ANKRD36C: variants seen among roughly 807,000 people sequenced by gnomAD.
ANKRD36C encodes the protein ankyrin repeat domain-containing protein 36C.
A neutral mutation model predicts 276.4 loss-of-function variants in ANKRD36C; 61 were observed. The observed-to-expected ratio is 0.22, with a 90% CI of 0.18 to 0.27. ANKRD36C has a LOEUF of 0.27. Ranked by LOEUF, ANKRD36C falls within the 10% of genes least tolerant of loss-of-function variation. The pLI, the probability that ANKRD36C is intolerant of heterozygous loss-of-function variation, is 1.00. For missense variants in ANKRD36C, 1,447 were observed against 2,032.3 expected (o/e 0.71, Z 5.54); for synonymous variants, 483 against 680.1 (o/e 0.71, Z 4.51).
At chr2:95,859,160 A>T (rs1178351342) in intron 61 of ANKRD36C, among the ~76,000 whole-genome samples, 1 of 151,708 alleles carries the variant, frequency 6.6e-6, no homozygotes, top group Non-Finnish European at 1.5e-5. Context: ...CAGCCTCCTG[A>T]GTAGCTGGGA....
chr2:95,970,660 T>A (rs1678679640), intron 6 of ANKRD36C, among the ~76,000 whole-genome samples: 1 of 152,162 alleles, frequency 6.6e-6, no homozygotes, highest in Admixed American at 6.6e-5. Context: ...TAGTTATAAG[T>A]GAGTCATGTT....
chr2:95,872,706 CA>C (rs1305995442), intron 59 of ANKRD36C, among the ~76,000 whole-genome samples: 1 of 151,724 alleles, frequency 6.6e-6, no homozygotes, highest in Non-Finnish European at 1.5e-5. Flanking sequence ...AAAAACCCTT[CA>C]AAAAATTAAT....
At chr2:95,903,223 C>T in intron 42 of ANKRD36C, 142 bp from the exon 53 acceptor site, 1 of 1,397,978 alleles carries the variant, frequency 7.2e-7, no homozygotes, top group Non-Finnish European at 9.8e-7. Context: ...TGTCTGGGGA[C>T]TAGAACATGA....
rs775879574 is a variant in ANKRD36C, at chr2:95,916,056, A to C, written c.2377-4T>G. On this transcript the variant is annotated splice_region_variant and splice_polypyrimidine_tract_variant and intron_variant, in intron 37 of 66. Coordinates refer to ENST00000456556, the Ensembl canonical transcript of ANKRD36C. Reference sequence around the variant, plus strand: ...AATCTTTCTCATCACTTGTAGCCTGAATGGAATTTGAAACAAAATAATAAA... The same window carrying C: ...AATCTTTCTCATCACTTGTAGCCTGCATGGAATTTGAAACAAAATAATAAA... The C allele has an allele frequency of 2.0e-5, 31 of 1,589,276 alleles. No homozygotes were observed. Among genetic ancestry groups the C allele is most frequent in the Admixed American group, 3.5e-5 (2 of 56,924 alleles).
At chr2:95,870,897 A>G (rs1308504700) in intron 59 of ANKRD36C, among the ~76,000 whole-genome samples, 1 of 152,244 alleles carries the variant, frequency 6.6e-6, no homozygotes, top group East Asian at 1.9e-4. Flanking sequence ...GATGCAATCA[A>G]CTGGAAGAAA....
intron 6 of ANKRD36C, 51 bp downstream of exon 6, chr2:95,978,071 T>C: frequency 1.6e-6 from 1 of 617,156 alleles, no homozygotes; most frequent in Non-Finnish European, 2.7e-6. Flanking sequence ...TCTTTATTCT[T>C]TTTTATCTAT....
chr2:95,890,228 C>T (rs1268978179), intron 46 of ANKRD36C, among the ~76,000 whole-genome samples: 4 of 151,262 alleles, frequency 2.6e-5, no homozygotes, highest in Non-Finnish European at 3.0e-5. Flanking sequence ...TGTCATATGT[C>T]GAAAACTAAA....
exon 3 of ANKRD36C, chr2:95,986,919 T>C: frequency 6.2e-7 from 1 of 1,612,812 alleles, no homozygotes; most frequent in Non-Finnish European, 8.5e-7. Context: ...GCCTCAGTTG[T>C]ACAGCCTGTC....
In ANKRD36C at chr2:95,923,375, T is replaced by A. The variant is rs1677323244; in HGVS notation, c.2143+120A>T. 4 of 1,335,774 alleles carry A rather than the reference T, an allele frequency of 3.0e-6. No homozygotes were observed. In the East Asian group the frequency reaches 7.5e-5, roughly 25 times the overall value. The allele number at this position is 1,335,774 out of a possible 1,614,324, so 82.7% of individuals were successfully genotyped here. On this transcript the variant is annotated intron_variant, in intron 32 of 66. Coordinates refer to ENST00000456556, the Ensembl canonical transcript of ANKRD36C. ...CCGAGAACTTATTACAAATGAAGAA[T>A]CTCCGGCCTGCTGAATCAGAATGTG... is the stretch of plus-strand genomic sequence containing the variant.
rs1226492632 is a variant in ANKRD36C, at chr2:95,891,989, T to C, written c.2756-129A>G. Reference sequence around the variant, plus strand: ...AGCGTAGGCTTTGATGGCTTCTACTTTGTGTCTGAGGACTAGAACATGACA... The same window carrying C: ...AGCGTAGGCTTTGATGGCTTCTACTCTGTGTCTGAGGACTAGAACATGACA... On this transcript the variant is annotated intron_variant, in intron 44 of 66. Transcript: ENST00000456556. The C allele has an allele frequency of 1.3e-5, 19 of 1,466,468 alleles. No homozygotes were observed. The African/African-American group carries it at 2.1e-4, about 16-fold the overall frequency. The allele number at this position is 1,466,468 out of a possible 1,614,324, so 90.8% of individuals were successfully genotyped here. A position where few individuals can be genotyped will look rare whatever the true frequency, so the allele number is the denominator to read the frequency against.
intron 40 of ANKRD36C, among the ~76,000 whole-genome samples, chr2:95,913,140 A>G (rs945958149): frequency 3.3e-5 from 5 of 149,730 alleles, no homozygotes; most frequent in Non-Finnish European, 6.0e-5. Context: ...ATCATCAATT[A>G]TCAACTTTGA....
At chr2:95,968,514 T>C (rs1678638168) in intron 6 of ANKRD36C, among the ~76,000 whole-genome samples, 1 of 152,180 alleles carries the variant, frequency 6.6e-6, no homozygotes, top group Non-Finnish European at 1.5e-5. Context: ...GCAGTCCCCC[T>C]TATCTGCTGT....
intron 10 of ANKRD36C, among the ~76,000 whole-genome samples, chr2:95,959,623 T>G (rs1159346603): frequency 6.6e-6 from 1 of 152,072 alleles, no homozygotes; most frequent in East Asian, 1.9e-4. Context: ...GAATTCAACA[T>G]TATTTTTCTT....
intron 1 of ANKRD36C, among the ~76,000 whole-genome samples, chr2:95,989,765 G>A (rs1325554989): frequency 6.6e-6 from 1 of 152,100 alleles, no homozygotes; most frequent in Non-Finnish European, 1.5e-5. Context: ...ACTTTCAACA[G>A]CAGTATATGT....
intron 26 of ANKRD36C, 136 bp from the exon 27 acceptor site, chr2:95,927,545 T>C (rs538758380): frequency 1.0e-4 from 145 of 1,406,588 alleles, no homozygotes; most frequent in Non-Finnish European, 1.4e-4. Context: ...ACTTTTTGTC[T>C]GGAGACTGGA....
chr2:95,866,923 C>T (rs1323304638), intron 60 of ANKRD36C, among the ~76,000 whole-genome samples: 2 of 152,168 alleles, frequency 1.3e-5, no homozygotes, highest in African/African-American at 4.8e-5. Flanking sequence ...ACACCTAAGG[C>T]ACTGGCTGTG....
chr2:95,976,367 G>T (rs1056282450), intron 6 of ANKRD36C, among the ~76,000 whole-genome samples: 1 of 152,096 alleles, frequency 6.6e-6, no homozygotes, highest in Non-Finnish European at 1.5e-5. Flanking sequence ...TGAAACTCTC[G>T]AAATGCGGCT....
At chr2:95,911,539 A>T (rs529136663) in intron 42 of ANKRD36C, among the ~76,000 whole-genome samples, 12 of 151,520 alleles carry the variant, frequency 7.9e-5, no homozygotes, top group Admixed American at 4.6e-4. Context: ...TCTCATTTCT[A>T]TAACTAAAAT....
In ANKRD36C at chr2:95,871,167, G is replaced by A. The variant is rs188187079; in HGVS notation, c.3541-3586C>T. On this transcript the variant is annotated intron_variant, in intron 59 of 66. Coordinates refer to ENST00000456556, the Ensembl canonical transcript of ANKRD36C. ...TTCAGATTCAGGAAATACAGACAACGCCACAAAAATACCCCTTGAGAAGAG... is the reference window on the plus strand; with the variant it reads ...TTCAGATTCAGGAAATACAGACAACACCACAAAAATACCCCTTGAGAAGAG... 3.9e-3 allele frequency among the ~76,000 whole-genome samples: 589 copies of A among 152,038 alleles called. 17 individuals carry two copies. The East Asian group carries it at 0.09, about 23-fold the overall frequency.
Sources: allele counts gnomAD v4.1 joint callset (sites outside exome capture counted in the v4.1 genomes callset), GRCh38; gene constraint gnomAD v4.1.1; transcripts MANE v1.5; gene names NCBI Gene and HGNC (gene_info 2026-07-23, HGNC 2026-07-21).